SLC6A14: variants seen among roughly 807,000 people sequenced by gnomAD.
SLC6A14 encodes solute carrier family 6 member 14.
Under a neutral mutation model 51.4 loss-of-function variants are expected in SLC6A14, and 21 were observed. That is an observed-to-expected ratio of 0.41 (90% confidence interval 0.29 to 0.59). The LOEUF is 0.59. Ranked by LOEUF, SLC6A14 falls within the 20% of genes least tolerant of loss-of-function variation. The probability of loss-of-function intolerance (pLI) is 0.31; values close to 1 mark genes in which losing one functional copy is unlikely to be tolerated. For synonymous variants in SLC6A14, 177 were observed against 160.7 expected, an observed-to-expected ratio of 1.10 and a Z score of -0.77; for missense variants, 371 against 472.8, an observed-to-expected ratio of 0.78 and a Z score of 2.00.
In SLC6A14 at chrX:116,437,968, A is replaced by ACGGGGGGGC; in HGVS notation, c.214+14_214+15insGGGGGGGCC. 1.1e-5 allele frequency: 12 copies of ACGGGGGGGC among 1,122,019 alleles called. No homozygotes were observed. The highest frequency in any genetic ancestry group is 1.3e-5 in the Non-Finnish European group (11 of 840,266). 92.5% of individuals were successfully genotyped at this position (1,122,019 alleles called of 1,213,427 possible). On this transcript the variant is annotated intron_variant, in intron 2 of 13. Coordinates refer to ENST00000598581, the MANE Select transcript of SLC6A14 (RefSeq NM_007231.5). ...AGCAATGGTGGAGGTATTCTATTTC[A>ACGGGGGGGC]CCCCCACCCTCCCACCCCCGCTTTT...
intron 12 of SLC6A14, among the ~76,000 whole-genome samples, chrX:116,455,869 G>A (rs1474864121): frequency 9.0e-6 from 1 of 111,243 alleles, no homozygotes; most frequent in South Asian, 3.7e-4. Flanking sequence ...TCTCTTCAAA[G>A]AATTCAGTTT....
chrX:116,451,408 A>G (rs1556694387), intron 7 of SLC6A14, 34 bp from the exon 8 acceptor site: 1 of 985,719 alleles, frequency 1.0e-6, no homozygotes, highest in Non-Finnish European at 1.4e-6. Context: ...AATTGAGTAT[A>G]TGTTTTAAAA....
intron 7 of SLC6A14, among the ~76,000 whole-genome samples, chrX:116,450,516 G>GTTA (rs781817993): frequency 1.8e-5 from 2 of 111,790 alleles, no homozygotes; most frequent in Non-Finnish European, 3.8e-5. Context: ...CGACATCACA[G>GTTA]TTACACACCT....
chrX:116,457,058 T>G (rs1037363935), intron 12 of SLC6A14, among the ~76,000 whole-genome samples: 3 of 111,756 alleles, frequency 2.7e-5, no homozygotes, highest in Non-Finnish European at 5.7e-5. Flanking sequence ...TGGTAAATGC[T>G]CACCAATAAT....
rs1928006891 is a variant in SLC6A14 at position 116,459,794 on chromosome X, G to T, written c.*839G>T. The T allele has an allele frequency of 9.0e-6, 1 of 111,698 alleles. No homozygotes were observed. The highest frequency in any genetic ancestry group is 1.9e-5 in the Non-Finnish European group (1 of 52,979). The allele number at this position is 111,698 out of a possible 1,213,427, so 9.2% of individuals were successfully genotyped here. A position where few individuals can be genotyped will look rare whatever the true frequency, so the allele number is the denominator to read the frequency against. On this transcript the variant is annotated 3_prime_UTR_variant, in exon 14 of 14. Coordinates refer to ENST00000598581, the MANE Select transcript of SLC6A14 (RefSeq NM_007231.5). ...TAGGTTTAATTTCAAATAGAATATG[G>T]ACTTAAATGTTAATGAGAAAATGGC...
intron 7 of SLC6A14, among the ~76,000 whole-genome samples, chrX:116,447,339 T>C (rs1354834528): frequency 8.9e-6 from 1 of 111,932 alleles, no homozygotes; most frequent in Non-Finnish European, 1.9e-5. Context: ...TCAAATTTTG[T>C]CTAGTGAATT....
intron 3 of SLC6A14, among the ~76,000 whole-genome samples, chrX:116,442,226 C>T (rs1927612725): frequency 1.8e-5 from 2 of 111,475 alleles, no homozygotes; most frequent in Non-Finnish European, 1.9e-5. Context: ...AGCATTAGCC[C>T]CTACTCTCCC....
intron 6 of SLC6A14, among the ~76,000 whole-genome samples, chrX:116,445,457 GGAGAGAGAGAGA>G (rs4068397): frequency 2.0e-3 from 133 of 66,949 alleles, no homozygotes; most frequent in Middle Eastern, 8.8e-3. Flanking sequence ...TCCCCTAGTC[GGAGAGAGAGAGA>G]GAGAGAGAGA....
At chrX:116,442,586 A>T in intron 3 of SLC6A14, 101 bp from the exon 4 acceptor site, 1 of 680,537 alleles carries the variant, frequency 1.5e-6, no homozygotes, top group Non-Finnish European at 2.1e-6. Context: ...TTTTTATTTT[A>T]AAATAGATTT....
intron 9 of SLC6A14, among the ~76,000 whole-genome samples, chrX:116,454,089 G>A (rs1309184412): frequency 4.5e-5 from 5 of 110,843 alleles, no homozygotes; most frequent in Non-Finnish European, 9.5e-5. Flanking sequence ...TGTTATCGAT[G>A]AAAAATCATA....
Position 116,441,275 on chromosome X carries a change from T to C in SLC6A14, c.346+178T>C, listed in dbSNP as rs782098525. Among the ~76,000 whole-genome samples the C allele has an allele frequency of 2.7e-5, 3 of 112,451 alleles. 1 individual carries two copies. In the South Asian group the frequency reaches 1.1e-3, roughly 42 times the overall value. The stretch of plus-strand genomic sequence containing the variant: ...TGCTGTACAGTTTGCCACTGCAGAA[T>C]TTAAAAAATCAAATGTTTTTATTTC... On this transcript the variant is annotated intron_variant, in intron 3 of 13. Transcript: ENST00000598581.
intron 3 of SLC6A14, 149 bp downstream of exon 3, chrX:116,441,246 G>A (rs1341021420): frequency 2.9e-5 from 17 of 589,682 alleles, no homozygotes; most frequent in African/African-American, 6.8e-5. Context: ...CATTATTGTT[G>A]TTTTGCTGTA....
At chrX:116,438,088 G>A in intron 2 of SLC6A14, 133 bp downstream of exon 2, 1 of 484,445 alleles carries the variant, frequency 2.1e-6, no homozygotes, top group Non-Finnish European at 3.4e-6. Context: ...GTTAGTGGGA[G>A]AATGAGAAAC....
rs143299320 is a variant in SLC6A14 at position 116,443,765 on chromosome X, C to A, written c.631C>A (p.Gln211Lys). 173 of 1,201,172 alleles carry A rather than the reference C, an allele frequency of 1.4e-4. No individual in the cohort carries two copies. The highest frequency in any genetic ancestry group is 1.9e-4 in the Non-Finnish European group (171 of 890,811). ...CGGCAGTGAAATTTATCAGCCAGGGCAGCTTCCCAGTGAACAATATTGGAA... is the reference window on the plus strand; with the variant it reads ...CGGCAGTGAAATTTATCAGCCAGGGAAGCTTCCCAGTGAACAATATTGGAA... ...INGSEIYQPG[Q>K]LPSEQYWNKV... The change falls in exon 5 of 14, where the codon CAG becomes AAG. Residue 211 changes from glutamine to lysine, a missense_variant. Gln to Lys is a moderately conservative substitution (Grantham distance 53). Coordinates refer to ENST00000598581, the MANE Select transcript of SLC6A14 (RefSeq NM_007231.5).
chrX:116,436,666 G>A lies in SLC6A14; in HGVS notation c.-44G>A. The A allele has an allele frequency of 8.7e-7, 1 of 1,151,285 alleles. No homozygotes were observed. The highest frequency in any genetic ancestry group is 2.0e-5 in the South Asian group (1 of 50,503). The allele number at this position is 1,151,285 out of a possible 1,213,427, so 94.9% of individuals were successfully genotyped here. ...ACCTGCTACCAGTCAAGCTCAGCCA[G>A]ACTGCAAGAGGAGGCGAGGCGGAGC... On this transcript the variant is annotated 5_prime_UTR_variant, in exon 1 of 14. Coordinates refer to ENST00000598581, the MANE Select transcript of SLC6A14 (RefSeq NM_007231.5).
At position 116,460,388 on chromosome X, in the gene SLC6A14, A is replaced by T. The variant is rs944244792; in HGVS notation, c.*1433A>T. On this transcript the variant is annotated 3_prime_UTR_variant, in exon 14 of 14. Coordinates refer to ENST00000598581, the MANE Select transcript of SLC6A14 (RefSeq NM_007231.5). ...CTTCCTTGTGATTGAAGATGAAAGG[A>T]GTAAGAAATTAAGGCATTTGTTTAA... 9.0e-6 allele frequency: 1 copy of T among 110,794 alleles called. No homozygotes were observed. The highest frequency in any genetic ancestry group is 9.6e-5 in the Admixed American group (1 of 10,388). The allele number at this position is 110,794 out of a possible 1,213,427, so 9.1% of individuals were successfully genotyped here.
rs201850965 is a variant in SLC6A14, at chrX:116,454,370, G to A, written c.1332G>A (p.Lys444=). ...AAGATTTATTTCCCAAAGTGATGAA[G>A]AAAATGAGGGTTCCCATAACTTTGG... The part of the protein sequence containing the change: ...TIQDLFPKVM[K]KMRVPITLGC... Residue 444 remains lysine, a synonymous_variant, in exon 10 of 14, where the codon AAG becomes AAA. Transcript: ENST00000598581. 174 of 1,203,498 alleles carry A rather than the reference G, an allele frequency of 1.4e-4. No individual in the cohort carries two copies. The highest frequency in any genetic ancestry group is 1.9e-4 in the Non-Finnish European group (166 of 891,246).
intron 8 of SLC6A14, among the ~76,000 whole-genome samples, chrX:116,451,875 T>C (rs1270552220): frequency 2.7e-5 from 3 of 111,982 alleles, no homozygotes; most frequent in African/African-American, 9.7e-5. Flanking sequence ...ATTAAGGAAA[T>C]ATTGCTGAAG....
chrX:116,441,178 C>T (rs1279723263), intron 3 of SLC6A14, 81 bp downstream of exon 3: 1 of 990,181 alleles, frequency 1.0e-6, no homozygotes, highest in East Asian at 3.2e-5. Context: ...TAGCTACCTT[C>T]ACTGTGAGGA....
Sources: allele counts gnomAD v4.1 joint callset (sites outside exome capture counted in the v4.1 genomes callset), GRCh38; gene constraint gnomAD v4.1.1; transcripts MANE v1.5; gene names NCBI Gene and HGNC (gene_info 2026-07-23, HGNC 2026-07-21).